The following EEFSEC variants were observed in gnomAD, a reference collection of about 807,000 sequenced individuals.
EEFSEC encodes the protein eukaryotic elongation factor, selenocysteine-tRNA specific, also known as selenocysteine-specific elongation factor.
In EEFSEC, 43 loss-of-function variants were observed where a neutral mutation model predicts 42.1. That is an observed-to-expected ratio of 1.02 (90% confidence interval 0.80 to 1.32). The LOEUF (loss-of-function observed/expected upper bound fraction) is 1.32, where lower values mean the gene tolerates loss of function less well. EEFSEC is among the 40% of genes most tolerant of loss of function. The pLI is 0.00. For synonymous variants in EEFSEC, 354 were observed against 339.1 expected (o/e 1.04, Z -0.48); for missense variants, 745 against 803.6 (o/e 0.93, Z 0.88).
chr3:128,157,002 A>G (rs1201115070), intron 1 of EEFSEC, among the ~76,000 whole-genome samples: 1 of 152,284 alleles, frequency 6.6e-6, no homozygotes, highest in Non-Finnish European at 1.5e-5. Context: ...CACACCAAAC[A>G]GCAAAGTTTT....
intron 6 of EEFSEC, among the ~76,000 whole-genome samples, chr3:128,358,632 C>A (rs2067488380): frequency 6.6e-6 from 1 of 152,098 alleles, no homozygotes; most frequent in South Asian, 2.1e-4. Flanking sequence ...CACCATTTAC[C>A]ATCTGAGGGG....
chr3:128,370,582 GGGA>G (rs1376657336), intron 6 of EEFSEC, among the ~76,000 whole-genome samples: 1 of 152,216 alleles, frequency 6.6e-6, no homozygotes, highest in African/African-American at 2.4e-5. Context: ...GGCCTGTGGA[GGGA>G]GGAGAGGAGC....
intron 4 of EEFSEC, among the ~76,000 whole-genome samples, chr3:128,314,365 A>G (rs2066922961): frequency 6.6e-6 from 1 of 151,912 alleles, no homozygotes; most frequent in Non-Finnish European, 1.5e-5. Flanking sequence ...ATTTTTTGAG[A>G]CAGAGTCTTA....
At chr3:128,257,926 G>A (rs2066258766) in intron 2 of EEFSEC, among the ~76,000 whole-genome samples, 2 of 152,220 alleles carry the variant, frequency 1.3e-5, no homozygotes, top group South Asian at 4.1e-4. Context: ...TGTCCTTAAA[G>A]TGACCAGTGG....
chr3:128,197,660 C>T (rs2065599149), intron 1 of EEFSEC, among the ~76,000 whole-genome samples: 2 of 152,168 alleles, frequency 1.3e-5, no homozygotes, highest in South Asian at 4.1e-4. Flanking sequence ...TACGAGAAGA[C>T]CAGTGCCACT....
chr3:128,344,270 G>C lies in EEFSEC; in HGVS notation c.1443+2381G>C, dbSNP rs188658987. Among the ~76,000 whole-genome samples the C allele has an allele frequency of 2.7e-4, 41 of 152,346 alleles. No individual in the cohort carries two copies. The East Asian group carries it at 6.2e-3, about 23-fold the overall frequency. ...TCTACTGATTAAGCATATACTATGC[G>C]CCTTTACTAGCTACATACTTTATTT... On this transcript the variant is annotated intron_variant, in intron 5 of 6. Transcript: ENST00000254730.
intron 1 of EEFSEC, among the ~76,000 whole-genome samples, chr3:128,210,863 G>A (rs945016386): frequency 3.3e-5 from 5 of 152,206 alleles, no homozygotes; most frequent in Admixed American, 3.3e-4. Context: ...CAGGCCAGCT[G>A]GGCATCACTG....
At chr3:128,174,297 C>T (rs1397246604) in intron 1 of EEFSEC, among the ~76,000 whole-genome samples, 1 of 152,250 alleles carries the variant, frequency 6.6e-6, no homozygotes, top group Non-Finnish European at 1.5e-5. Context: ...ACAATACCTA[C>T]ATCAGAGTTG....
At chr3:128,399,045 A>G (rs986505424) in intron 6 of EEFSEC, among the ~76,000 whole-genome samples, 2 of 152,068 alleles carry the variant, frequency 1.3e-5, no homozygotes, top group Middle Eastern at 3.4e-3. Context: ...TTTTCTGCCT[A>G]TTTCAGAATG....
At chr3:128,273,227 G>A (rs927666400) in intron 4 of EEFSEC, among the ~76,000 whole-genome samples, 5 of 152,198 alleles carry the variant, frequency 3.3e-5, no homozygotes, top group Non-Finnish European at 5.9e-5. Flanking sequence ...CCTCTGTGAG[G>A]TCTTGCCTTT....
In EEFSEC at chr3:128,251,759, G is replaced by A. The variant is rs532374651; in HGVS notation, c.524+4716G>A. On this transcript the variant is annotated intron_variant, in intron 2 of 6. Coordinates refer to ENST00000254730, the MANE Select transcript of EEFSEC (RefSeq NM_021937.5). Reference sequence around the variant, plus strand: ...TGGCATTTGTTGTCTTTCCATTTTAGTTGCTTTTTTTGACATGCAGAAGTT... The same window carrying A: ...TGGCATTTGTTGTCTTTCCATTTTAATTGCTTTTTTTGACATGCAGAAGTT... Among the ~76,000 whole-genome samples the A allele has an allele frequency of 1.1e-4, 16 of 151,954 alleles. 1 individual carries two copies. Among genetic ancestry groups the A allele is most frequent in the East Asian group, 7.8e-4 (4 of 5,158 alleles).
chr3:128,274,797 T>C (rs903800510), intron 4 of EEFSEC, among the ~76,000 whole-genome samples: 40 of 152,192 alleles, frequency 2.6e-4, no homozygotes, highest in African/African-American at 9.6e-4. Flanking sequence ...GCCAGCTGTG[T>C]GACTGGGGCA....
rs529468822 is a variant in EEFSEC at position 128,211,269 on chromosome 3, T to C, written c.317-35567T>C. Among the ~76,000 whole-genome samples, 3 of 152,284 alleles carry C rather than the reference T, an allele frequency of 2.0e-5. No homozygotes were observed. In the East Asian group the frequency reaches 5.8e-4, roughly 29 times the overall value. On this transcript the variant is annotated intron_variant, in intron 1 of 6. Transcript: ENST00000254730. Reference sequence around the variant, plus strand: ...GCTATTTATTATTATTTTATTTATTTTAGAGACAGGGTCTTGCTCTGTTGT... The same window carrying C: ...GCTATTTATTATTATTTTATTTATTCTAGAGACAGGGTCTTGCTCTGTTGT...
chr3:128,285,936 C>A (rs1026543978), intron 4 of EEFSEC, among the ~76,000 whole-genome samples: 1 of 152,204 alleles, frequency 6.6e-6, no homozygotes, highest in Non-Finnish European at 1.5e-5. Flanking sequence ...TCTGTGAACT[C>A]ATGAGTTTGC....
intron 6 of EEFSEC, among the ~76,000 whole-genome samples, chr3:128,386,082 A>C (rs2067834430): frequency 6.6e-6 from 1 of 152,214 alleles, no homozygotes; most frequent in African/African-American, 2.4e-5. Flanking sequence ...AATGTTCTCT[A>C]ATTGAGTTAG....
chr3:128,204,913 A>T (rs2065677345), intron 1 of EEFSEC, among the ~76,000 whole-genome samples: 1 of 152,208 alleles, frequency 6.6e-6, no homozygotes, highest in African/African-American at 2.4e-5. Flanking sequence ...TACAAAAGAA[A>T]GGAGCCCAAT....
At chr3:128,247,909 A>T (rs2107900741) in intron 2 of EEFSEC, among the ~76,000 whole-genome samples, 1 of 152,104 alleles carries the variant, frequency 6.6e-6, no homozygotes, top group East Asian at 1.9e-4. Context: ...GCTTGGGGAG[A>T]TATCTAGCGG....
chr3:128,215,994 G>A lies in EEFSEC; in HGVS notation c.317-30842G>A, dbSNP rs1559872172. 2.0e-5 allele frequency among the ~76,000 whole-genome samples: 3 copies of A among 152,068 alleles called. No homozygotes were observed. The South Asian group carries it at 6.2e-4, about 32-fold the overall frequency. On this transcript the variant is annotated intron_variant, in intron 1 of 6. Coordinates refer to ENST00000254730, the MANE Select transcript of EEFSEC (RefSeq NM_021937.5). ...TAGGGACTGAGAAGGGGAGAGAGGC[G>A]ATCCTAAAGGGAAAGAGACCCTGTG... is the stretch of plus-strand genomic sequence containing the variant.
rs368182840 is a variant in EEFSEC at position 128,246,798 on chromosome 3, C to G, written c.317-38C>G. 1.1e-5 allele frequency: 18 copies of G among 1,607,848 alleles called. No homozygotes were observed. In the African/African-American group the frequency reaches 1.9e-4, roughly 17 times the overall value. ...GGCAACTTTCTGTGGGGCTCACCAC[C>G]CCTTTTCCCTTTCTAACCTTCTCTT... On this transcript the variant is annotated intron_variant, in intron 1 of 6. Transcript: ENST00000254730.
Sources: gnomAD v4.1 joint callset for allele counts (sites outside exome capture counted in the v4.1 genomes callset) on GRCh38, gnomAD v4.1.1 for gene constraint, MANE v1.5 for transcripts, NCBI Gene and HGNC (gene_info 2026-07-23, HGNC 2026-07-21) for gene names.